FAM13C: variants seen among roughly 807,000 people sequenced by gnomAD.
The protein encoded by FAM13C is family with sequence similarity 13 member C, also known as protein FAM13C.
In FAM13C, 37 loss-of-function variants were observed where a neutral mutation model predicts 73.2. The observed-to-expected ratio is 0.51, with a 90% confidence interval of 0.39 to 0.67. The LOEUF (loss-of-function observed/expected upper bound fraction) is 0.67, where lower values mean the gene tolerates loss of function less well. Ranked by LOEUF, FAM13C falls within the 30% of genes least tolerant of loss-of-function variation. FAM13C has a pLI of 0.00. For synonymous variants in FAM13C, 246 were observed against 260.9 expected (o/e 0.94, Z 0.55); for missense variants, 589 against 715.6 (o/e 0.82, Z 2.02).
chr10:59,344,163 C>G (rs1853925917), intron 3 of FAM13C, among the ~76,000 whole-genome samples: 1 of 151,028 alleles, frequency 6.6e-6, no homozygotes, highest in East Asian at 2.0e-4. Context: ...GGGGTTTCAC[C>G]GTTTTAGCCA....
rs747967451 is a variant in FAM13C, at chr10:59,288,486, G to A, written c.508-5039C>T. Among the ~76,000 whole-genome samples the A allele has an allele frequency of 1.3e-3, 157 of 125,562 alleles. 3 individuals carry two copies. The highest frequency in any genetic ancestry group is 2.0e-3 in the Non-Finnish European group (103 of 51,742). 82.4% of individuals were successfully genotyped at this position (125,562 alleles called of 152,430 possible). On this transcript the variant is annotated intron_variant, in intron 5 of 13. Coordinates refer to ENST00000618804, the MANE Select transcript of FAM13C (RefSeq NM_198215.4). ...CCAGACTGGGCAACAGGGGGAAAAA[G>A]AAGAAGAAGAAGAAGCATCCATCGG... is the stretch of plus-strand genomic sequence containing the variant.
chr10:59,342,503 G>C (rs890680684), intron 3 of FAM13C, among the ~76,000 whole-genome samples: 1 of 152,084 alleles, frequency 6.6e-6, no homozygotes, highest in Non-Finnish European at 1.5e-5. Context: ...TAAAAACACA[G>C]GATGCCCAGT....
At chr10:59,284,088 G>A (rs1247542380) in intron 5 of FAM13C, among the ~76,000 whole-genome samples, 1 of 151,918 alleles carries the variant, frequency 6.6e-6, no homozygotes, top group Non-Finnish European at 1.5e-5. Context: ...TGAGAACAGG[G>A]TGAAAGAAAA....
intron 3 of FAM13C, among the ~76,000 whole-genome samples, chr10:59,341,087 CT>C (rs1853443527): frequency 6.6e-6 from 1 of 152,070 alleles, no homozygotes; most frequent in Non-Finnish European, 1.5e-5. Flanking sequence ...TGATTTTCTC[CT>C]GGTGATTTTT....
chr10:59,277,547 G>T (rs1844454331), intron 6 of FAM13C, among the ~76,000 whole-genome samples: 1 of 152,024 alleles, frequency 6.6e-6, no homozygotes, highest in East Asian at 1.9e-4. Context: ...TGCAGTTCAG[G>T]TAAATATACA....
intron 3 of FAM13C, among the ~76,000 whole-genome samples, chr10:59,327,022 T>C (rs969798530): frequency 6.6e-6 from 1 of 152,210 alleles, no homozygotes; most frequent in African/African-American, 2.4e-5. Context: ...CCACATTAAA[T>C]GCATCCATCA....
chr10:59,337,860 A>G (rs1453836781), intron 3 of FAM13C, among the ~76,000 whole-genome samples: 1 of 151,300 alleles, frequency 6.6e-6, no homozygotes, highest in Non-Finnish European at 1.5e-5. Context: ...TTGTATTTTT[A>G]GTGGAGACAG....
chr10:59,314,878 G>C (rs1054893627), intron 4 of FAM13C, among the ~76,000 whole-genome samples: 1 of 152,082 alleles, frequency 6.6e-6, no homozygotes. Context: ...ACAAATTATG[G>C]CTTTAAACAT....
At chr10:59,341,206 CT>C (rs1853462771) in intron 3 of FAM13C, among the ~76,000 whole-genome samples, 1 of 152,092 alleles carries the variant, frequency 6.6e-6, no homozygotes, top group Admixed American at 6.6e-5. Flanking sequence ...ACCTTTAAAC[CT>C]TCACGGTCTC....
chr10:59,327,168 G>A (rs1036624361), intron 3 of FAM13C, among the ~76,000 whole-genome samples: 2 of 152,152 alleles, frequency 1.3e-5, no homozygotes, highest in African/African-American at 4.8e-5. Flanking sequence ...GTACCTTACA[G>A]GGAATAGGGG....
At position 59,247,482 on chromosome 10, in the gene FAM13C, C is replaced by T; in HGVS notation, c.*132G>A. 9.0e-7 allele frequency: 1 copy of T among 1,114,608 alleles called. No homozygotes were observed. The highest frequency in any genetic ancestry group is 1.3e-6 in the Non-Finnish European group (1 of 760,998). 69.0% of individuals were successfully genotyped at this position (1,114,608 alleles called of 1,614,324 possible). A position where few individuals can be genotyped will look rare whatever the true frequency, so the allele number is the denominator to read the frequency against. ...TATATAATTAAACTTGCTATTCCTT[C>T]TTAAAAACAGCTAATACTACCACTA... On this transcript the variant is annotated 3_prime_UTR_variant, in exon 14 of 14. Coordinates refer to ENST00000618804, the MANE Select transcript of FAM13C (RefSeq NM_198215.4).
chr10:59,362,876 T>C, upstream of FAM13C: 1 of 214,034 alleles, frequency 4.7e-6, no homozygotes, highest in Non-Finnish European at 9.1e-6. Context: ...GGAGACTTGC[T>C]TTCTTCCACA....
intron 3 of FAM13C, among the ~76,000 whole-genome samples, chr10:59,335,536 C>A (rs981752516): frequency 6.6e-6 from 1 of 152,208 alleles, no homozygotes; most frequent in African/African-American, 2.4e-5. Context: ...CGCCACTCCT[C>A]AAACTAATTT....
At position 59,352,437 on chromosome 10, in the gene FAM13C, C is replaced by A. The variant is rs747782090; in HGVS notation, c.157G>T (p.Ala53Ser). The change falls in exon 3 of 14, where the codon GCT (alanine) becomes TCT (serine). Residue 53 changes from alanine to serine, a missense_variant. Physicochemically the swap from Ala to Ser is moderately conservative, Grantham distance 99. Coordinates refer to ENST00000618804, the MANE Select transcript of FAM13C (RefSeq NM_198215.4). ...GGCGGCGCGTGCTCTTCTACCAGAG[C>A]CCCTGCGTCGGGGTAGTTCTCTTTA... ...NNKENYPDAG[A>S]LVEEHAPPSW... The A allele has an allele frequency of 1.2e-5, 20 of 1,613,314 alleles. No individual in the cohort carries two copies. In the African/African-American group the frequency reaches 1.9e-4, roughly 15 times the overall value.
chr10:59,347,687 C>T (rs1331658492), intron 3 of FAM13C, among the ~76,000 whole-genome samples: 1 of 151,960 alleles, frequency 6.6e-6, no homozygotes, highest in Non-Finnish European at 1.5e-5. Flanking sequence ...AGCCCCCCAC[C>T]CCGCAACAGG....
In FAM13C at chr10:59,279,058, C is replaced by T. The variant is rs59658985; in HGVS notation, c.592+4305G>A. Among the ~76,000 whole-genome samples the T allele has an allele frequency of 3.4e-3, 522 of 152,288 alleles. 8 individuals carry two copies. Among genetic ancestry groups the T allele is most frequent in the African/African-American group, 0.012 (490 of 41,560 alleles). The stretch of plus-strand genomic sequence containing the variant: ...CTATTCTAGAAATCTATTTCTAAAT[C>T]GCACCTGCAGCAGGAACATATTTCA... On this transcript the variant is annotated intron_variant, in intron 6 of 13. Transcript: ENST00000618804.
intron 4 of FAM13C, among the ~76,000 whole-genome samples, chr10:59,321,411 G>C (rs938657009): frequency 6.9e-6 from 1 of 144,010 alleles, no homozygotes; most frequent in Non-Finnish European, 1.5e-5. Flanking sequence ...CCTCTAGAAA[G>C]GAATGGAGCC....
chr10:59,312,566 C>T (rs1044609674), intron 4 of FAM13C, among the ~76,000 whole-genome samples: 2 of 152,148 alleles, frequency 1.3e-5, no homozygotes, highest in Non-Finnish European at 2.9e-5. Flanking sequence ...TTATAACCTC[C>T]AGTGGTTTTC....
upstream of FAM13C, chr10:59,362,613 C>T: frequency 6.8e-7 from 1 of 1,459,962 alleles, no homozygotes; most frequent in Non-Finnish European, 9.0e-7. Context: ...AACGACACCC[C>T]CAGCAGGGGC....
Sources: allele counts gnomAD v4.1 joint callset (sites outside exome capture counted in the v4.1 genomes callset), GRCh38; gene constraint gnomAD v4.1.1; transcripts MANE v1.5; gene names NCBI Gene and HGNC (gene_info 2026-07-23, HGNC 2026-07-21).